IL7: variants seen among roughly 807,000 people sequenced by gnomAD.
IL7 encodes the protein interleukin 7.
IL7 carries 3 observed loss-of-function variants against 21.6 expected under a neutral mutation model. The observed-to-expected ratio is 0.14, with a 90% CI of 0.06 to 0.36. The LOEUF (loss-of-function observed/expected upper bound fraction) is 0.36, where lower values mean the gene tolerates loss of function less well. IL7 is among the 10% of genes least tolerant of loss of function. IL7 has a pLI of 1.00. For missense variants in IL7, 175 were observed against 200.2 expected (o/e 0.87, Z 0.76); for synonymous variants, 62 against 68.1 (o/e 0.91, Z 0.44).
chr8:78,791,937 T>TA (rs1295640703), intron 2 of IL7, among the ~76,000 whole-genome samples: 2 of 151,912 alleles, frequency 1.3e-5, no homozygotes. Flanking sequence ...TACTAATCCC[T>TA]AAAAAAAGGT....
At chr8:78,707,217 T>C (rs953635716) in intron 3 of IL7, among the ~76,000 whole-genome samples, 20 of 152,212 alleles carry the variant, frequency 1.3e-4, no homozygotes, top group Non-Finnish European at 5.9e-5. Context: ...TTACAGTTGA[T>C]CATAGATTAA....
At chr8:78,698,519 T>C (rs185179032) in intron 3 of IL7, 10 of 1,572,238 alleles carry the variant, frequency 6.4e-6, no homozygotes, top group Admixed American at 1.8e-5. Context: ...GCAGGGTAAG[T>C]CTACACTGGA....
At chr8:78,708,767 G>A (rs1001941927) in intron 3 of IL7, among the ~76,000 whole-genome samples, 3 of 148,600 alleles carry the variant, frequency 2.0e-5, no homozygotes, top group Non-Finnish European at 3.0e-5. Flanking sequence ...CGTAACCTCC[G>A]CCTCCTGGAT....
chr8:78,720,351 T>C (rs1811215723), intron 5 of IL7, among the ~76,000 whole-genome samples: 1 of 151,832 alleles, frequency 6.6e-6, no homozygotes, highest in Non-Finnish European at 1.5e-5. Context: ...GGTACGTTGA[T>C]TTTTTTCAAA....
chr8:78,676,125 T>TAAA, intron 4 of IL7: 21 of 194,948 alleles, frequency 1.1e-4, no homozygotes, highest in South Asian at 2.1e-4. Context: ...ACAAACAAAA[T>TAAA]AAAAAAAAAA....
chr8:78,678,549 C>G (rs764285904), intron 4 of IL7: 10 of 1,590,398 alleles, frequency 6.3e-6, no homozygotes, highest in Non-Finnish European at 8.6e-6. Flanking sequence ...GGCTGCATTT[C>G]TTTATCTTAA....
Position 78,757,290 on chromosome 8 carries a change from T to C in IL7, c.148-17208A>G, listed in dbSNP as rs76418724. On this transcript the variant is annotated intron_variant, in intron 2 of 5. Coordinates refer to ENST00000263851, the MANE Select transcript of IL7 (RefSeq NM_000880.4). ...TGATTTTTAAAAATTTTTTGAGACT[T>C]GTTTTGTGGACTAGCATATGGTTTA... 4.0e-3 allele frequency among the ~76,000 whole-genome samples: 608 copies of C among 152,174 alleles called. 2 individuals carry two copies. The highest frequency in any genetic ancestry group is 0.01 in the Middle Eastern group (3 of 294).
intron 2 of IL7, among the ~76,000 whole-genome samples, chr8:78,776,003 A>G (rs1813126012): frequency 6.6e-6 from 1 of 152,040 alleles, no homozygotes; most frequent in African/African-American, 2.4e-5. Context: ...GAGACCATAC[A>G]TGGTACCAGA....
intron 2 of IL7, among the ~76,000 whole-genome samples, chr8:78,758,285 G>A (rs558054018): frequency 6.6e-6 from 1 of 152,022 alleles, no homozygotes; most frequent in African/African-American, 2.4e-5. Flanking sequence ...TAATAGGTGA[G>A]AACTTACTAC....
At chr8:78,741,761 G>C (rs1412175739) in intron 2 of IL7, among the ~76,000 whole-genome samples, 2 of 152,198 alleles carry the variant, frequency 1.3e-5, no homozygotes, top group Non-Finnish European at 2.9e-5. Flanking sequence ...AGAGGTCACA[G>C]TTATTAATTC....
chr8:78,756,914 T>C (rs1321700677), intron 2 of IL7, among the ~76,000 whole-genome samples: 1 of 151,936 alleles, frequency 6.6e-6, no homozygotes, highest in East Asian at 1.9e-4. Context: ...TATTTTTGCC[T>C]TCTTTGTATT....
intron 3 of IL7, among the ~76,000 whole-genome samples, chr8:78,687,587 A>AAATT (rs1810039156): frequency 7.1e-6 from 1 of 141,774 alleles, no homozygotes; most frequent in East Asian, 2.0e-4. Context: ...TTTACGTAAT[A>AAATT]AATTATATAT....
At chr8:78,723,063 A>G (rs1347605206) in intron 3 of IL7, among the ~76,000 whole-genome samples, 3 of 145,576 alleles carry the variant, frequency 2.1e-5, no homozygotes, top group African/African-American at 7.5e-5. Context: ...TTTCCAAAGG[A>G]AAGCCTTCTA....
At chr8:78,741,331 T>C (rs1467357382) in intron 2 of IL7, among the ~76,000 whole-genome samples, 1 of 152,242 alleles carries the variant, frequency 6.6e-6, no homozygotes, top group South Asian at 2.1e-4. Flanking sequence ...ATTTAGTGGA[T>C]AATTAATATT....
chr8:78,708,111 G>A (rs761758392), intron 3 of IL7, among the ~76,000 whole-genome samples: 2 of 152,120 alleles, frequency 1.3e-5, no homozygotes, highest in Non-Finnish European at 2.9e-5. Context: ...TATGACAACT[G>A]TTATTTCGAT....
At chr8:78,749,311 A>T (rs1264524435) in intron 2 of IL7, among the ~76,000 whole-genome samples, 1 of 152,088 alleles carries the variant, frequency 6.6e-6, no homozygotes, top group African/African-American at 2.4e-5. Context: ...AGTATAAAAT[A>T]GTTGTTTTGA....
intron 4 of IL7, among the ~76,000 whole-genome samples, chr8:78,736,971 A>G (rs1369392765): frequency 1.3e-5 from 2 of 152,290 alleles, no homozygotes; most frequent in East Asian, 3.9e-4. Context: ...TGCCTGGCTC[A>G]TGAAGAAAAT....
chr8:78,716,084 A>G (rs969696431), downstream of IL7, among the ~76,000 whole-genome samples: 6 of 149,128 alleles, frequency 4.0e-5, no homozygotes, highest in Non-Finnish European at 7.4e-5. Context: ...TTCATCTAGC[A>G]TCTATTTTAC....
intron 3 of IL7, among the ~76,000 whole-genome samples, chr8:78,691,661 T>C (rs994925049): frequency 1.1e-4 from 17 of 152,278 alleles, no homozygotes; most frequent in Admixed American, 2.0e-4. Flanking sequence ...TTTTCCCTTT[T>C]GTCTTCATAA....
Sources: gnomAD v4.1 joint callset for allele counts (sites outside exome capture counted in the v4.1 genomes callset) on GRCh38, gnomAD v4.1.1 for gene constraint, MANE v1.5 for transcripts, NCBI Gene and HGNC (gene_info 2026-07-23, HGNC 2026-07-21) for gene names.